The following COL25A1 variants were observed in gnomAD, a reference collection of about 807,000 sequenced individuals.
COL25A1 encodes collagen type XXV alpha 1 chain.
In COL25A1, 103 loss-of-function variants were observed where a neutral mutation model predicts 128.4. That is an observed-to-expected ratio of 0.80 (90% CI 0.68 to 0.94). The LOEUF is 0.94. Among genes scored for constraint, COL25A1 ranks in the 40% least tolerant of loss-of-function variants. The pLI is 0.00. For missense variants in COL25A1, 745 were observed against 840.0 expected (o/e 0.89, Z 1.40); for synonymous variants, 279 against 277.2 (o/e 1.01, Z -0.06).
At chr4:109,061,226 T>C (rs965625410) in intron 3 of COL25A1, among the ~76,000 whole-genome samples, 1 of 152,182 alleles carries the variant, frequency 6.6e-6, no homozygotes, top group Non-Finnish European at 1.5e-5. Context: ...GGAGTGACAA[T>C]CCTTTCTCCT....
At chr4:109,010,258 G>T in intron 6 of COL25A1, 100 bp downstream of exon 6, 2 of 966,904 alleles carry the variant, frequency 2.1e-6, no homozygotes, top group Non-Finnish European at 3.2e-6. Flanking sequence ...GTGATTATCA[G>T]TTCATAGCTT....
intron 3 of COL25A1, among the ~76,000 whole-genome samples, chr4:109,267,273 A>G (rs557939493): frequency 6.6e-6 from 1 of 152,300 alleles, no homozygotes; most frequent in African/African-American, 2.4e-5. Context: ...CATTCCCATA[A>G]CTGGCAAAAT....
chr4:108,825,082 G>T, intron 34 of COL25A1, 114 bp downstream of exon 34: 1 of 773,140 alleles, frequency 1.3e-6, no homozygotes. Context: ...AGCAATATAT[G>T]TTCTATGCAT....
At chr4:109,137,513 A>C (rs1769909000) in intron 3 of COL25A1, among the ~76,000 whole-genome samples, 1 of 152,138 alleles carries the variant, frequency 6.6e-6, no homozygotes, top group African/African-American at 2.4e-5. Flanking sequence ...ATCATCTCCA[A>C]CCTGGACCAC....
At chr4:109,159,590 T>C (rs1255668283) in intron 3 of COL25A1, among the ~76,000 whole-genome samples, 1 of 152,090 alleles carries the variant, frequency 6.6e-6, no homozygotes, top group Non-Finnish European at 1.5e-5. Context: ...AATTTGATAG[T>C]ACGAAGCATG....
intron 3 of COL25A1, among the ~76,000 whole-genome samples, chr4:109,277,654 T>A (rs993663476): frequency 3.9e-5 from 6 of 151,910 alleles, no homozygotes; most frequent in Non-Finnish European, 5.9e-5. Flanking sequence ...CACAGAAAAA[T>A]TTCACTTAAT....
intron 3 of COL25A1, among the ~76,000 whole-genome samples, chr4:109,288,306 T>G (rs1724088194): frequency 6.6e-6 from 1 of 152,112 alleles, no homozygotes; most frequent in Admixed American, 6.6e-5. Flanking sequence ...AAATTTTAAA[T>G]ACAGTAATGG....
At chr4:109,127,974 G>A (rs1768793382) in intron 3 of COL25A1, among the ~76,000 whole-genome samples, 1 of 149,908 alleles carries the variant, frequency 6.7e-6, no homozygotes, top group African/African-American at 2.5e-5. Context: ...GCAGAGCAGG[G>A]ACGCTCTTTT....
intron 5 of COL25A1, among the ~76,000 whole-genome samples, chr4:109,031,520 T>C (rs1203143608): frequency 6.6e-6 from 1 of 152,132 alleles, no homozygotes; most frequent in Non-Finnish European, 1.5e-5. Flanking sequence ...CACAAAACCT[T>C]AAGGATGCCA....
rs115296832 is a variant in COL25A1, at chr4:108,828,889, C to T, written c.1711-1701G>A. Among the ~76,000 whole-genome samples, 499 of 152,236 alleles carry T rather than the reference C, an allele frequency of 3.3e-3. 4 individuals are homozygous for T. Among genetic ancestry groups the T allele is most frequent in the Middle Eastern group, 0.014 (4 of 294 alleles). ...ATATGCCTGTGTTTCTCCAGATTCCCGTGTGAGCAAATTTCAGGTCCCTGA... is the reference window on the plus strand; with the variant it reads ...ATATGCCTGTGTTTCTCCAGATTCCTGTGTGAGCAAATTTCAGGTCCCTGA... On this transcript the variant is annotated intron_variant, in intron 32 of 37. Coordinates refer to ENST00000399132, the MANE Select transcript of COL25A1 (RefSeq NM_198721.4).
At chr4:109,259,994 G>A (rs1781329285) in intron 3 of COL25A1, among the ~76,000 whole-genome samples, 1 of 152,202 alleles carries the variant, frequency 6.6e-6, no homozygotes, top group Non-Finnish European at 1.5e-5. Flanking sequence ...TGCAGGCGAT[G>A]CAAACTCTTT....
chr4:108,901,275 T>TA, intron 13 of COL25A1, 103 bp from the exon 14 acceptor site: 1 of 827,270 alleles, frequency 1.2e-6, no homozygotes, highest in Non-Finnish European at 2.0e-6. Flanking sequence ...TAGAAATAGA[T>TA]AAAGAATAAG....
intron 6 of COL25A1, among the ~76,000 whole-genome samples, chr4:108,985,073 T>C (rs1753530834): frequency 6.6e-6 from 1 of 152,182 alleles, no homozygotes; most frequent in Admixed American, 6.5e-5. Context: ...TGTCTACCAT[T>C]CTCCTTCTTC....
intron 8 of COL25A1, among the ~76,000 whole-genome samples, chr4:108,945,958 C>T (rs1484628591): frequency 1.3e-5 from 2 of 152,192 alleles, no homozygotes; most frequent in African/African-American, 2.4e-5. Flanking sequence ...AGCCACTGCA[C>T]CTGGCCTGAA....
intron 5 of COL25A1, among the ~76,000 whole-genome samples, chr4:109,036,838 A>G (rs1759407875): frequency 6.6e-6 from 1 of 152,142 alleles, no homozygotes; most frequent in Admixed American, 6.5e-5. Flanking sequence ...CACTCTTTCA[A>G]TTTTCACTCT....
At chr4:108,827,096 A>G in intron 33 of COL25A1, 39 bp downstream of exon 33, 1 of 1,590,680 alleles carries the variant, frequency 6.3e-7, no homozygotes. Flanking sequence ...TCATCTATGC[A>G]TGCGGAAGGT....
chr4:109,001,003 G>C (rs574229066), intron 6 of COL25A1, among the ~76,000 whole-genome samples: 1 of 152,156 alleles, frequency 6.6e-6, no homozygotes, highest in South Asian at 2.1e-4. Flanking sequence ...GTTTGATTTG[G>C]TTTGGTGAAG....
At chr4:109,230,231 G>A (rs1323990798) in intron 3 of COL25A1, among the ~76,000 whole-genome samples, 1 of 152,114 alleles carries the variant, frequency 6.6e-6, no homozygotes, top group African/African-American at 2.4e-5. Flanking sequence ...GCAAGTAGGT[G>A]AATTGCAAAT....
rs1363520090 is a variant in COL25A1, at chr4:108,852,266, A to T, written c.1359T>A (p.Pro453=). The part of the protein sequence containing the change: ...TTLTVTGPPG[P]PGPQGLQGPK... ...GCCCTTGTAGTCCTTGAGGTCCAGG[A>T]GGTCCAGGGGGACCCTAAATCAAGA... The change falls in exon 26 of 38, where the codon CCT becomes CCA. Residue 453 remains proline, a synonymous_variant. Transcript: ENST00000399132. The T allele has an allele frequency of 6.3e-7, 1 of 1,596,246 alleles. No individual in the cohort carries two copies. The highest frequency in any genetic ancestry group is 2.2e-5 in the East Asian group (1 of 44,522).
Sources: allele counts gnomAD v4.1 joint callset (sites outside exome capture counted in the v4.1 genomes callset), GRCh38; gene constraint gnomAD v4.1.1; transcripts MANE v1.5; gene names NCBI Gene and HGNC (gene_info 2026-07-23, HGNC 2026-07-21).